Variants in NRG1 observed in about 807,000 individuals in gnomAD.
NRG1 encodes neuregulin 1, also known as pro-neuregulin-1, membrane-bound isoform.
Under a neutral mutation model 63.8 loss-of-function variants are expected in NRG1, and 18 were observed. That is an observed-to-expected ratio of 0.28 (90% CI 0.19 to 0.42). The LOEUF (loss-of-function observed/expected upper bound fraction) is 0.42. Among genes scored for constraint, NRG1 ranks in the 10% least tolerant of loss-of-function variants. The probability of loss-of-function intolerance (pLI) is 1.00; values close to 1 mark genes in which losing one functional copy is unlikely to be tolerated. For missense variants in NRG1, 762 were observed against 814.7 expected, an observed-to-expected ratio of 0.94 and a Z score of 0.79; for synonymous variants, 302 against 301.3, an observed-to-expected ratio of 1.00 and a Z score of -0.02.
At chr8:32,215,047 T>C (rs1049977470) in intron 1 of NRG1, among the ~76,000 whole-genome samples, 2 of 152,238 alleles carry the variant, frequency 1.3e-5, no homozygotes, top group South Asian at 2.1e-4. Context: ...CCCAGTCAAA[T>C]TGGAATTTCA....
chr8:32,024,812 G>T (rs1816987714), intron 1 of NRG1, among the ~76,000 whole-genome samples: 2 of 152,178 alleles, frequency 1.3e-5, no homozygotes, highest in Non-Finnish European at 2.9e-5. Flanking sequence ...ACCTGTGAGT[G>T]AAAATGATCC....
chr8:32,066,469 C>G (rs1824835958), intron 1 of NRG1, among the ~76,000 whole-genome samples: 4 of 152,028 alleles, frequency 2.6e-5, no homozygotes, highest in Admixed American at 2.6e-4. Context: ...TCTTGTTTTT[C>G]TCAGGTTTGT....
chr8:31,849,022 T>C (rs113527266), intron 1 of NRG1, among the ~76,000 whole-genome samples: 2,348 of 152,290 alleles, frequency 0.015, 22 homozygotes, highest in Non-Finnish European at 0.022. Flanking sequence ...GCAGCTTTAA[T>C]AGACTCAGAG....
At chr8:32,709,848 C>T (rs372558507) in intron 5 of NRG1, among the ~76,000 whole-genome samples, 24 of 152,196 alleles carry the variant, frequency 1.6e-4, no homozygotes, top group African/African-American at 2.2e-4. Context: ...AAAAAATCAA[C>T]GGAATACTGA....
At chr8:31,944,789 A>G (rs1802291532) in intron 1 of NRG1, among the ~76,000 whole-genome samples, 1 of 152,206 alleles carries the variant, frequency 6.6e-6, no homozygotes, top group African/African-American at 2.4e-5. Flanking sequence ...TCAACAAAGC[A>G]ATTTACGCAG....
intron 1 of NRG1, among the ~76,000 whole-genome samples, chr8:31,956,581 G>A (rs745452907): frequency 3.3e-4 from 50 of 152,178 alleles, no homozygotes; most frequent in South Asian, 1.0e-3. Flanking sequence ...CCGAGATCGT[G>A]CCACTGCACT....
chr8:32,173,405 A>G (rs1840306721), intron 1 of NRG1, among the ~76,000 whole-genome samples: 1 of 152,208 alleles, frequency 6.6e-6, no homozygotes, highest in Admixed American at 6.5e-5. Context: ...TGTAAAGACC[A>G]TCAAAGCTAG....
At position 32,537,195 on chromosome 8, in the gene NRG1, C is replaced by CAAAAAAAAAAAAAAAAAAAAAAAA. The variant is rs71208193; in HGVS notation, c.38-58631_38-58608dup. The stretch of plus-strand genomic sequence containing the variant: ...TCAGTGGCACAGTGAGACTCCATCT[C>CAAAAAAAAAAAAAAAAAAAAAAAA]AAAAAAAAAAAAAAAAAAAAAAAAA... On this transcript the variant is annotated intron_variant, in intron 1 of 10. Transcript: ENST00000519301. Among the ~76,000 whole-genome samples the CAAAAAAAAAAAAAAAAAAAAAAAA allele has an allele frequency of 1.1e-4, 5 of 43,814 alleles. 1 individual carries two copies. Among genetic ancestry groups the CAAAAAAAAAAAAAAAAAAAAAAAA allele is most frequent in the African/African-American group, 3.1e-4 (3 of 9,730 alleles). The allele number at this position is 43,814 out of a possible 152,430, so 28.7% of individuals were successfully genotyped here.
chr8:32,735,223 A>G (rs1824708622), intron 6 of NRG1, among the ~76,000 whole-genome samples: 1 of 152,168 alleles, frequency 6.6e-6, no homozygotes, highest in African/African-American at 2.4e-5. Flanking sequence ...ACTTAAGTTG[A>G]TTTTATAAGT....
chr8:32,741,957 G>T, intron 6 of NRG1, 51 bp from the exon 7 acceptor site: 2 of 1,432,946 alleles, frequency 1.4e-6, no homozygotes, highest in East Asian at 2.3e-5. Context: ...CAGTCTGAAA[G>T]CTCAGTGTCT....
At chr8:32,658,803 G>A (rs747349857) in intron 5 of NRG1, among the ~76,000 whole-genome samples, 1 of 152,130 alleles carries the variant, frequency 6.6e-6, no homozygotes, top group Non-Finnish European at 1.5e-5. Context: ...GGTTTAAAAG[G>A]CAAATTTTAA....
At chr8:32,447,180 C>T (rs533035728) in intron 1 of NRG1, among the ~76,000 whole-genome samples, 75 of 151,506 alleles carry the variant, frequency 5.0e-4, no homozygotes, top group African/African-American at 1.4e-3. Flanking sequence ...CCACCACACC[C>T]GGCTAATTTT....
At chr8:32,101,685 A>G (rs1830600056) in intron 1 of NRG1, among the ~76,000 whole-genome samples, 1 of 152,168 alleles carries the variant, frequency 6.6e-6, no homozygotes, top group Non-Finnish European at 1.5e-5. Flanking sequence ...AAGTATGTCT[A>G]AAGAAATAGC....
At chr8:32,504,253 A>C (rs2129497656) in intron 1 of NRG1, among the ~76,000 whole-genome samples, 1 of 152,258 alleles carries the variant, frequency 6.6e-6, no homozygotes. Context: ...CTGCCTGTCC[A>C]TCACCTGATG....
chr8:32,595,039 T>C (rs2129537105), intron 1 of NRG1, among the ~76,000 whole-genome samples: 1 of 152,324 alleles, frequency 6.6e-6, no homozygotes, highest in South Asian at 2.1e-4. Flanking sequence ...GTCAGCCACT[T>C]ACTTATCTCT....
At chr8:32,579,426 G>A (rs73591014) in intron 1 of NRG1, among the ~76,000 whole-genome samples, 1 of 151,992 alleles carries the variant, frequency 6.6e-6, no homozygotes, top group African/African-American at 2.4e-5. Context: ...GAGAAAGAAG[G>A]GTTGTCTGGG....
intron 5 of NRG1, chr8:32,647,187 C>A (rs949458692): frequency 1.0e-6 from 1 of 985,378 alleles, no homozygotes; most frequent in Non-Finnish European, 1.2e-6. Context: ...GCCGTCGTCG[C>A]GTTAACACAA....
At chr8:32,141,800 A>T (rs1836314016) in intron 1 of NRG1, among the ~76,000 whole-genome samples, 1 of 151,804 alleles carries the variant, frequency 6.6e-6, no homozygotes, top group African/African-American at 2.4e-5. Context: ...GGTACTGCAC[A>T]ATAAACAATA....
chr8:32,386,427 T>C (rs528333265), intron 1 of NRG1, among the ~76,000 whole-genome samples: 2 of 152,348 alleles, frequency 1.3e-5, no homozygotes, highest in African/African-American at 4.8e-5. Context: ...GACTAGCTTA[T>C]CTTTAAAACC....
Sources: gnomAD v4.1 joint callset for allele counts (sites outside exome capture counted in the v4.1 genomes callset) on GRCh38, gnomAD v4.1.1 for gene constraint, MANE v1.5 for transcripts, NCBI Gene and HGNC (gene_info 2026-07-23, HGNC 2026-07-21) for gene names.